The following BNC2 variants were observed in gnomAD, a reference collection of about 807,000 sequenced individuals.
BNC2 encodes basonuclin zinc finger protein 2, also known as zinc finger protein basonuclin-2.
A neutral mutation model predicts 76.3 loss-of-function variants in BNC2; 20 were observed. The observed-to-expected ratio is 0.26, with a 90% CI of 0.18 to 0.38. The LOEUF (loss-of-function observed/expected upper bound fraction) is 0.38, where lower values mean the gene tolerates loss of function less well. Ranked by LOEUF, BNC2 falls within the 10% of genes least tolerant of loss-of-function variation. BNC2 has a pLI of 1.00. For synonymous variants in BNC2, 582 were observed against 514.8 expected (o/e 1.13, Z -1.77); for missense variants, 1,382 against 1,399.8 (o/e 0.99, Z 0.20).
At chr9:16,781,901 A>G (rs1826163821) in intron 1 of BNC2, among the ~76,000 whole-genome samples, 1 of 152,180 alleles carries the variant, frequency 6.6e-6, no homozygotes, top group African/African-American at 2.4e-5. Context: ...ATTTTATAAA[A>G]CCAAAGATGG....
chr9:16,843,067 T>C (rs1243228418), intron 1 of BNC2, among the ~76,000 whole-genome samples: 1 of 152,234 alleles, frequency 6.6e-6, no homozygotes, highest in African/African-American at 2.4e-5. Flanking sequence ...TACTGAACTG[T>C]ACACTTTAAA....
At chr9:16,770,681 A>G (rs1825809405) in intron 1 of BNC2, among the ~76,000 whole-genome samples, 1 of 151,362 alleles carries the variant, frequency 6.6e-6, no homozygotes, top group Admixed American at 6.6e-5. Context: ...CATGGGCAAC[A>G]TGGTAAAACC....
intron 4 of BNC2, among the ~76,000 whole-genome samples, chr9:16,553,678 C>A (rs554877825): frequency 6.6e-6 from 1 of 152,070 alleles, no homozygotes; most frequent in Admixed American, 6.5e-5. Flanking sequence ...AAAAGTTCAA[C>A]AATTGGGTGC....
intron 5 of BNC2, among the ~76,000 whole-genome samples, chr9:16,474,789 T>G (rs898706183): frequency 2.6e-5 from 4 of 152,172 alleles, no homozygotes; most frequent in African/African-American, 7.2e-5. Context: ...ACTGAGTTAT[T>G]TGTAGAAGGA....
intron 1 of BNC2, among the ~76,000 whole-genome samples, chr9:16,751,698 A>ATGTATGTGTGTGTG (rs1825215376): frequency 1.9e-4 from 27 of 140,258 alleles, no homozygotes; most frequent in East Asian, 4.1e-4. Context: ...GTGTGTATAT[A>ATGTATGTGTGTGTG]TATATATATG....
intron 5 of BNC2, chr9:16,473,463 T>C (rs1821865504): frequency 6.6e-6 from 1 of 152,194 alleles, no homozygotes; most frequent in Non-Finnish European, 1.5e-5. Context: ...TTTTAAAATA[T>C]AAAAATAAAA....
chr9:16,521,192 G>A (rs1362759853), intron 5 of BNC2, among the ~76,000 whole-genome samples: 3 of 152,150 alleles, frequency 2.0e-5, no homozygotes, highest in Admixed American at 6.5e-5. Flanking sequence ...AGATGTGGCC[G>A]ACATATTTGG....
At chr9:16,503,673 T>C (rs558407264) in intron 5 of BNC2, among the ~76,000 whole-genome samples, 8 of 152,316 alleles carry the variant, frequency 5.3e-5, no homozygotes, top group African/African-American at 1.9e-4. Flanking sequence ...AAATAAGGCA[T>C]ATCTCAACTT....
At chr9:16,655,566 A>C (rs1454527915) in intron 3 of BNC2, among the ~76,000 whole-genome samples, 1 of 152,232 alleles carries the variant, frequency 6.6e-6, no homozygotes, top group Non-Finnish European at 1.5e-5. Context: ...TCCCTAGCAC[A>C]AAACAAAATT....
At chr9:16,816,213 A>G (rs4072453) in intron 1 of BNC2, among the ~76,000 whole-genome samples, 54,379 of 151,936 alleles carry the variant, frequency 0.36, 11,694 homozygotes, top group East Asian at 0.87. Context: ...AAAGCAGAAC[A>G]CATTTATCCC....
intron 5 of BNC2, among the ~76,000 whole-genome samples, chr9:16,473,971 CA>C (rs1252036963): frequency 1.3e-5 from 2 of 152,302 alleles, no homozygotes; most frequent in African/African-American, 4.8e-5. Flanking sequence ...TCTTACCACT[CA>C]GGGGGCAGTC....
rs532263253 is a variant in BNC2, at chr9:16,663,615, C to A, written c.330+64182G>T. ...ATATTTGCTCTAAAATTATGTATTT[C>A]TGTAACTGCATTCCGGTGACTTTAC... On this transcript the variant is annotated intron_variant, in intron 3 of 6. Coordinates refer to ENST00000380672, the MANE Select transcript of BNC2 (RefSeq NM_017637.6). Among the ~76,000 whole-genome samples, 3 of 152,208 alleles carry A rather than the reference C, an allele frequency of 2.0e-5. No homozygotes were observed. The East Asian group carries it at 5.8e-4, about 29-fold the overall frequency.
chr9:16,851,928 C>T (rs1477878157), intron 1 of BNC2, among the ~76,000 whole-genome samples: 1 of 152,074 alleles, frequency 6.6e-6, no homozygotes, highest in Middle Eastern at 3.2e-3. Context: ...TAAATTCCAC[C>T]AGAGGATGAA....
intron 1 of BNC2, among the ~76,000 whole-genome samples, chr9:16,784,608 G>C (rs10810625): frequency 0.029 from 4,418 of 152,298 alleles, 200 homozygotes; most frequent in East Asian, 0.22. Context: ...TGAATACAGA[G>C]AGTCTGCAAT....
At chr9:16,451,087 G>A (rs1017217425) in intron 5 of BNC2, among the ~76,000 whole-genome samples, 26 of 152,030 alleles carry the variant, frequency 1.7e-4, no homozygotes, top group Admixed American at 2.6e-4. Context: ...GCTGGATTTC[G>A]TTGCCTTTTT....
At chr9:16,460,385 G>C (rs1464559174) in intron 5 of BNC2, among the ~76,000 whole-genome samples, 1 of 152,038 alleles carries the variant, frequency 6.6e-6, no homozygotes, top group Non-Finnish European at 1.5e-5. Flanking sequence ...CACTTTGGGA[G>C]GCCAAGGCGG....
chr9:16,826,132 C>T (rs1563960449), intron 1 of BNC2, among the ~76,000 whole-genome samples: 1 of 152,120 alleles, frequency 6.6e-6, no homozygotes, highest in African/African-American at 2.4e-5. Flanking sequence ...TACTTACCAC[C>T]ATGCACAGCT....
intron 1 of BNC2, among the ~76,000 whole-genome samples, chr9:16,744,687 T>C (rs1469505604): frequency 1.3e-5 from 2 of 152,178 alleles, no homozygotes; most frequent in Non-Finnish European, 2.9e-5. Flanking sequence ...AAGAGAACTT[T>C]TGCCCTTGGA....
intron 3 of BNC2, among the ~76,000 whole-genome samples, chr9:16,689,375 G>A (rs10810591): frequency 0.6 from 91,432 of 151,900 alleles, 31,346 homozygotes; most frequent in Non-Finnish European, 0.8. Context: ...AAAAGGGCTC[G>A]TAGTCAGGGA....
Sources: gnomAD v4.1 joint callset for allele counts (sites outside exome capture counted in the v4.1 genomes callset) on GRCh38, gnomAD v4.1.1 for gene constraint, MANE v1.5 for transcripts, NCBI Gene and HGNC (gene_info 2026-07-23, HGNC 2026-07-21) for gene names.